WDR7: variants seen among roughly 807,000 people sequenced by gnomAD.
WDR7 encodes WD repeat-containing protein 7.
A neutral mutation model predicts 169.4 loss-of-function variants in WDR7; 46 were observed. That is an observed-to-expected ratio of 0.27 (90% confidence interval 0.21 to 0.35). WDR7 has a LOEUF of 0.35. WDR7 is among the 10% of genes least tolerant of loss of function. The pLI is 1.00. For synonymous variants in WDR7, 612 were observed against 666.8 expected (o/e 0.92, Z 1.27); for missense variants, 1,534 against 1,859.3 (o/e 0.83, Z 3.22).
chr18:56,802,929 T>C (rs536624336), intron 19 of WDR7, among the ~76,000 whole-genome samples: 2 of 151,804 alleles, frequency 1.3e-5, no homozygotes, highest in African/African-American at 4.8e-5. Flanking sequence ...TTTCGAGAGG[T>C]GTTACAGCTT....
intron 21 of WDR7, among the ~76,000 whole-genome samples, chr18:56,923,490 C>T (rs182214840): frequency 1.6e-3 from 243 of 152,276 alleles, no homozygotes; most frequent in African/African-American, 5.5e-3. Flanking sequence ...TTCATTGCAA[C>T]GCGCCTGTAA....
intron 26 of WDR7, among the ~76,000 whole-genome samples, chr18:57,018,800 A>G (rs957484124): frequency 2.6e-5 from 4 of 152,212 alleles, no homozygotes; most frequent in African/African-American, 9.6e-5. Context: ...TCAGACTTTT[A>G]GCAGAACTGA....
intron 19 of WDR7, among the ~76,000 whole-genome samples, chr18:56,805,964 A>T (rs776846144): frequency 6.6e-6 from 1 of 152,128 alleles, no homozygotes; most frequent in African/African-American, 2.4e-5. Flanking sequence ...GACTTTTAGC[A>T]TACCCTTTCT....
chr18:56,756,634 A>G lies in WDR7; in HGVS notation c.2041A>G (p.Thr681Ala). ...HNSLMVQAIK[T>A]NLTDPDIHVL... ...CTCCCTGATGGTTCAAGCAATAAAG[A>G]CAAACCTAACAGACCCGGACATACA... The change falls in exon 15 of 28, where the codon ACA becomes GCA. Residue 681 changes from threonine to alanine, a missense_variant. Coordinates refer to ENST00000254442, the MANE Select transcript of WDR7 (RefSeq NM_015285.3). The G allele has an allele frequency of 6.2e-7, 1 of 1,613,826 alleles. No individual in the cohort carries two copies. Among genetic ancestry groups the G allele is most frequent in the Non-Finnish European group, 8.5e-7 (1 of 1,179,960 alleles).
intron 20 of WDR7, among the ~76,000 whole-genome samples, chr18:56,855,351 A>G (rs1286704497): frequency 6.6e-6 from 1 of 151,992 alleles, no homozygotes; most frequent in African/African-American, 2.4e-5. Context: ...CTTGTATCTT[A>G]TATTTTCATT....
At chr18:56,688,270 T>C (rs1451596612) in intron 7 of WDR7, among the ~76,000 whole-genome samples, 1 of 152,142 alleles carries the variant, frequency 6.6e-6, no homozygotes, top group African/African-American at 2.4e-5. Context: ...ATGGGCCATA[T>C]GGTGAAAGGA....
rs760000171 is a variant in WDR7 at position 56,731,378 on chromosome 18, C to T, written c.1775-5C>T. 41 of 1,609,018 alleles carry T rather than the reference C, an allele frequency of 2.5e-5. No individual in the cohort carries two copies. The highest frequency in any genetic ancestry group is 3.1e-5 in the Non-Finnish European group (36 of 1,176,152). On this transcript the variant is annotated splice_region_variant and splice_polypyrimidine_tract_variant and intron_variant, in intron 13 of 27. Transcript: ENST00000254442. ...GAAATATTTGTGAATATATTTTTCT[C>T]GCAGGTGCATTGGATCGTTGTGTGA...
At position 56,949,965 on chromosome 18, in the gene WDR7, G is replaced by A. The variant is rs898603932; in HGVS notation, c.4064+10572G>A. Among the ~76,000 whole-genome samples the A allele has an allele frequency of 2.2e-4, 33 of 152,142 alleles. 1 individual carries two copies. Among genetic ancestry groups the A allele is most frequent in the Admixed American group, 2.0e-4 (3 of 15,270 alleles). On this transcript the variant is annotated intron_variant, in intron 25 of 27. Coordinates refer to ENST00000254442, the MANE Select transcript of WDR7 (RefSeq NM_015285.3). Reference sequence around the variant, plus strand: ...TTTTACTTAAAAGCTTGAATTTATCGTTGGCAATAAATCTTGTCAGTTGTT... The same window carrying A: ...TTTTACTTAAAAGCTTGAATTTATCATTGGCAATAAATCTTGTCAGTTGTT...
At chr18:56,775,400 C>A (rs529557893) in intron 16 of WDR7, among the ~76,000 whole-genome samples, 1 of 152,226 alleles carries the variant, frequency 6.6e-6, no homozygotes, top group Non-Finnish European at 1.5e-5. Flanking sequence ...AAGTCATAAT[C>A]ACTGAATTTG....
chr18:56,933,201 G>A (rs1366793266), intron 22 of WDR7, among the ~76,000 whole-genome samples: 2 of 152,156 alleles, frequency 1.3e-5, no homozygotes, highest in African/African-American at 4.8e-5. Flanking sequence ...ATGAACTACA[G>A]CAGGAGTAAC....
At chr18:56,972,029 G>A (rs8087075) in intron 26 of WDR7, among the ~76,000 whole-genome samples, 23,175 of 152,124 alleles carry the variant, frequency 0.15, 3,252 homozygotes, top group African/African-American at 0.38. Context: ...GACATTTTCT[G>A]TTAGCTAAAA....
At position 57,028,998 on chromosome 18, in the gene WDR7, A is replaced by G. The variant is rs1027624900; in HGVS notation, c.*1791A>G. 6.5e-6 allele frequency: 1 copy of G among 152,688 alleles called. No homozygotes were observed. The highest frequency in any genetic ancestry group is 2.4e-5 in the African/African-American group (1 of 41,466). The allele number at this position is 152,688 out of a possible 1,614,324, so 9.5% of individuals were successfully genotyped here. On this transcript the variant is annotated 3_prime_UTR_variant, in exon 28 of 28. Coordinates refer to ENST00000254442, the MANE Select transcript of WDR7 (RefSeq NM_015285.3). ...TAGAGAAATGTAAGGTAAAAGGCTC[A>G]CTTTGTTTTCCAGTGGGTCCAGAGT...
chr18:56,910,859 T>C (rs914873263), intron 21 of WDR7, among the ~76,000 whole-genome samples: 1 of 152,218 alleles, frequency 6.6e-6, no homozygotes, highest in African/African-American at 2.4e-5. Context: ...TCCTTATTTG[T>C]AGAAGGGAGA....
chr18:56,910,708 T>G (rs8099201), intron 21 of WDR7, among the ~76,000 whole-genome samples: 123,467 of 152,082 alleles, frequency 0.81, 50,587 homozygotes, highest in East Asian at 0.98. Flanking sequence ...AAGTACAGTA[T>G]CATGTTATGC....
chr18:56,717,914 T>G (rs751755552), intron 12 of WDR7, 50 bp from the exon 13 acceptor site: 2 of 1,483,768 alleles, frequency 1.3e-6, no homozygotes, highest in Non-Finnish European at 1.8e-6. Flanking sequence ...CAGGATCCAT[T>G]TTATTCTAAA....
chr18:56,767,240 G>A (rs1199045152), intron 16 of WDR7, among the ~76,000 whole-genome samples: 7 of 152,164 alleles, frequency 4.6e-5, no homozygotes, highest in East Asian at 1.9e-4. Flanking sequence ...CCCCCAGCTC[G>A]AGTAGTTTCT....
intron 11 of WDR7, 84 bp from the exon 12 acceptor site, chr18:56,696,158 T>G (rs959800315): frequency 6.8e-5 from 77 of 1,125,490 alleles, no homozygotes; most frequent in Admixed American, 4.0e-4. Flanking sequence ...TTGTAGCTAT[T>G]CTAAACATTC....
At chr18:56,926,695 A>G (rs1237949528) in intron 22 of WDR7, among the ~76,000 whole-genome samples, 1 of 152,240 alleles carries the variant, frequency 6.6e-6, no homozygotes, top group African/African-American at 2.4e-5. Flanking sequence ...GACTTTCTGT[A>G]CACAGCTCTG....
At chr18:56,982,836 A>C (rs560412516) in intron 26 of WDR7, among the ~76,000 whole-genome samples, 2 of 152,386 alleles carry the variant, frequency 1.3e-5, no homozygotes, top group East Asian at 1.9e-4. Context: ...TCTGAGGTTC[A>C]GCAGATGCTC....
Sources: allele counts gnomAD v4.1 joint callset (sites outside exome capture counted in the v4.1 genomes callset), GRCh38; gene constraint gnomAD v4.1.1; transcripts MANE v1.5; gene names NCBI Gene and HGNC (gene_info 2026-07-23, HGNC 2026-07-21).